EYS: variants seen among roughly 807,000 people sequenced by gnomAD.
The protein encoded by EYS is protein eyes shut homolog.
Under a neutral mutation model 282.1 loss-of-function variants are expected in EYS, and 250 were observed. The observed-to-expected ratio is 0.89, with a 90% CI of 0.80 to 0.98. The LOEUF (loss-of-function observed/expected upper bound fraction) is 0.98, where lower values mean the gene tolerates loss of function less well. EYS is among the 50% of genes least tolerant of loss of function. The probability of loss-of-function intolerance (pLI) is 0.00; values close to 1 mark genes in which losing one functional copy is unlikely to be tolerated. For synonymous variants in EYS, 1,355 were observed against 1,282.9 expected (o/e 1.06, Z -1.20); for missense variants, 4,016 against 3,709.0 (o/e 1.08, Z -2.15).
chr6:64,911,022 AATAAT>A (rs985958119), intron 16 of EYS, among the ~76,000 whole-genome samples: 1 of 151,954 alleles, frequency 6.6e-6, no homozygotes, highest in Non-Finnish European at 1.5e-5. Flanking sequence ...TCTCAGAAAT[AATAAT>A]ATGTTTCTTA....
At chr6:64,620,921 A>T (rs1767426040) in intron 23 of EYS, among the ~76,000 whole-genome samples, 1 of 152,224 alleles carries the variant, frequency 6.6e-6, no homozygotes, top group Non-Finnish European at 1.5e-5. Context: ...ATATAAAGTA[A>T]GTAAGTGCAT....
rs916811337 is a variant in EYS at position 65,406,277 on chromosome 6, T to C, written c.863-910A>G. Among the ~76,000 whole-genome samples, 10 of 152,250 alleles carry C rather than the reference T, an allele frequency of 6.6e-5. No individual in the cohort carries two copies. In the East Asian group the frequency reaches 1.9e-3, roughly 29 times the overall value. On this transcript the variant is annotated intron_variant, in intron 5 of 42. Transcript: ENST00000503581. ...TTTTTAAATTGTGTTATCAGCTTTCTTATGATTGAGAGCATTTTTTGAGTG... is the reference window on the plus strand; with the variant it reads ...TTTTTAAATTGTGTTATCAGCTTTCCTATGATTGAGAGCATTTTTTGAGTG...
At chr6:64,736,248 A>G (rs962838785) in intron 22 of EYS, among the ~76,000 whole-genome samples, 5 of 152,054 alleles carry the variant, frequency 3.3e-5, no homozygotes, top group African/African-American at 1.2e-4. Context: ...TTCTATGAAT[A>G]TTACCTTTTA....
intron 26 of EYS, among the ~76,000 whole-genome samples, chr6:64,583,694 C>T (rs563691979): frequency 1.3e-5 from 2 of 152,090 alleles, no homozygotes; most frequent in East Asian, 3.9e-4. Context: ...ACTCAGGAGG[C>T]TGAGGCAGGA....
intron 13 of EYS, among the ~76,000 whole-genome samples, chr6:64,999,337 A>G (rs1346348191): frequency 6.6e-6 from 1 of 152,238 alleles, no homozygotes; most frequent in Non-Finnish European, 1.5e-5. Context: ...ATTTCACAGG[A>G]AAGACATGTT....
intron 29 of EYS, among the ~76,000 whole-genome samples, chr6:64,358,362 T>C (rs1771899689): frequency 6.6e-6 from 1 of 151,648 alleles, no homozygotes; most frequent in Non-Finnish European, 1.5e-5. Context: ...CAATATAGTG[T>C]TGAATTGCAC....
chr6:64,856,744 C>A (rs1766074287), intron 19 of EYS, among the ~76,000 whole-genome samples: 1 of 152,110 alleles, frequency 6.6e-6, no homozygotes, highest in South Asian at 2.1e-4. Context: ...CAATCTCAAA[C>A]AACAGAAGCT....
At chr6:65,362,012 G>T (rs1010382768) in intron 8 of EYS, among the ~76,000 whole-genome samples, 1 of 152,016 alleles carries the variant, frequency 6.6e-6, no homozygotes, top group Non-Finnish European at 1.5e-5. Context: ...TCTCATAAAA[G>T]TGCACCATAG....
At chr6:64,444,447 TA>T (rs1161553913) in intron 26 of EYS, among the ~76,000 whole-genome samples, 4 of 152,152 alleles carry the variant, frequency 2.6e-5, no homozygotes, top group African/African-American at 9.7e-5. Flanking sequence ...TGCCTGACAA[TA>T]AAAAACTCAA....
intron 8 of EYS, among the ~76,000 whole-genome samples, chr6:65,357,991 A>T (rs763270592): frequency 6.6e-6 from 1 of 151,910 alleles, no homozygotes; most frequent in Non-Finnish European, 1.5e-5. Context: ...AATGAAGTTA[A>T]CTTTCAGTAG....
intron 13 of EYS, among the ~76,000 whole-genome samples, chr6:65,018,617 C>G (rs911501943): frequency 1.1e-4 from 16 of 152,128 alleles, no homozygotes; most frequent in African/African-American, 3.9e-4. Flanking sequence ...GAGGACACAA[C>G]TCAATCAAAT....
In EYS at chr6:65,402,507, A is replaced by T. The variant is rs143994166; in HGVS notation, c.1155T>A (p.Cys385Ter). 456 of 1,529,032 alleles carry T rather than the reference A, an allele frequency of 3.0e-4. 1 individual carries two copies. The highest frequency in any genetic ancestry group is 5.0e-5 in the Non-Finnish European group (55 of 1,103,624). The allele number at this position is 1,529,032 out of a possible 1,614,324, so 94.7% of individuals were successfully genotyped here. A position where few individuals can be genotyped will look rare whatever the true frequency, so the allele number is the denominator to read the frequency against. Residue 385 changes from cysteine (C) to a stop codon, truncating the protein, a stop_gained, in exon 7 of 43, where the codon TGT becomes TGA. Coordinates refer to ENST00000503581, the MANE Select transcript of EYS (RefSeq NM_001142800.2). LOFTEE classifies it high-confidence loss of function. Reference sequence around the variant, plus strand: ...AAGGATAATCTTTCTCACATTTCTTACATGTAGCATTATTCCTCAAAGGAA... The same window carrying T: ...AAGGATAATCTTTCTCACATTTCTTTCATGTAGCATTATTCCTCAAAGGAA... ...ESFPLRNNAT[C>*]KKCEKDYPCS... is the part of the protein sequence containing the mutation.
At chr6:63,810,315 C>CA (rs368825317) in intron 36 of EYS, among the ~76,000 whole-genome samples, 2,946 of 132,562 alleles carry the variant, frequency 0.022, 93 homozygotes, top group African/African-American at 0.068. Flanking sequence ...CCCCCCCCCC[C>CA]AAAAAAACCT....
At chr6:64,740,965 G>A (rs1252782083) in intron 22 of EYS, among the ~76,000 whole-genome samples, 6 of 151,854 alleles carry the variant, frequency 4.0e-5, no homozygotes, top group Non-Finnish European at 8.8e-5. Context: ...TGCCCATCTC[G>A]GCCTCCCAAA....
At position 64,439,370 on chromosome 6, in the gene EYS, A is replaced by C; in HGVS notation, c.5645-18T>G. On this transcript the variant is annotated intron_variant, in intron 26 of 42. Coordinates refer to ENST00000503581, the MANE Select transcript of EYS (RefSeq NM_001142800.2). ...ACTGAAATCTGTGGAGTCAGAAAGA[A>C]AATACAATTTAGGTTGAAATAAATA... The C allele has an allele frequency of 1.4e-6, 2 of 1,452,254 alleles. No homozygotes were observed. The highest frequency in any genetic ancestry group is 2.9e-5 in the South Asian group (2 of 69,570). The allele number at this position is 1,452,254 out of a possible 1,614,324, so 90.0% of individuals were successfully genotyped here.
At chr6:64,022,154 T>C (rs768919398) in intron 33 of EYS, among the ~76,000 whole-genome samples, 46 of 152,248 alleles carry the variant, frequency 3.0e-4, no homozygotes, top group Non-Finnish European at 5.7e-4. Context: ...TATCAGATGT[T>C]GTCCAAATTA....
intron 12 of EYS, among the ~76,000 whole-genome samples, chr6:65,265,890 A>G (rs180726102): frequency 6.6e-6 from 1 of 152,010 alleles, no homozygotes; most frequent in Admixed American, 6.6e-5. Context: ...ACCTTAACTT[A>G]CTGGGTGTTT....
At chr6:65,410,734 G>A (rs1315448540) in intron 5 of EYS, among the ~76,000 whole-genome samples, 1 of 151,172 alleles carries the variant, frequency 6.6e-6, no homozygotes, top group African/African-American at 2.4e-5. Context: ...ATACCAAAGA[G>A]ATATTTTTAC....
chr6:65,648,314 A>ATATGTATGTG (rs373479571), intron 1 of EYS, among the ~76,000 whole-genome samples: 1 of 147,792 alleles, frequency 6.8e-6, no homozygotes, highest in Non-Finnish European at 1.5e-5. Context: ...AAGAAAATAT[A>ATATGTATGTG]TGTGTGTGTG....
Sources: allele counts gnomAD v4.1 joint callset (sites outside exome capture counted in the v4.1 genomes callset), GRCh38; gene constraint gnomAD v4.1.1; transcripts MANE v1.5; gene names NCBI Gene and HGNC (gene_info 2026-07-23, HGNC 2026-07-21).